The following PALLD variants were observed in gnomAD, a reference collection of about 807,000 sequenced individuals.
The protein encoded by PALLD is palladin, cytoskeletal associated protein.
Under a neutral mutation model 123.5 loss-of-function variants are expected in PALLD, and 61 were observed. The observed-to-expected ratio is 0.49, with a 90% CI of 0.40 to 0.61. The LOEUF is 0.61. Ranked by LOEUF, PALLD falls within the 20% of genes least tolerant of loss-of-function variation. PALLD has a pLI of 0.00. For missense variants in PALLD, 1,273 were observed against 1,377.0 expected (o/e 0.92, Z 1.20); for synonymous variants, 465 against 496.4 (o/e 0.94, Z 0.84).
rs1750812964 is a variant in PALLD at position 168,869,666 on chromosome 4, T to C, written c.1965-21256T>C. ...GGACTGTTTGAGGCCAAATTATGGG[T>C]ATCTTAAATATCAGATATTATTTTA... is the stretch of plus-strand genomic sequence containing the variant. On this transcript the variant is annotated intron_variant, in intron 10 of 21. Coordinates refer to ENST00000505667, the MANE Select transcript of PALLD (RefSeq NM_001166108.2). This position sits in a 1 kb window ranked among gnomAD's most constrained non-coding sequence, Gnocchi z 4.5. Among the ~76,000 whole-genome samples, 1 of 152,206 alleles carries C rather than the reference T, an allele frequency of 6.6e-6. No individual in the cohort carries two copies. Among genetic ancestry groups the C allele is most frequent in the African/African-American group, 2.4e-5 (1 of 41,446 alleles).
chr4:168,673,807 G>A (rs1371461200), intron 3 of PALLD, among the ~76,000 whole-genome samples: 5 of 152,090 alleles, frequency 3.3e-5, no homozygotes, highest in Admixed American at 2.6e-4. Flanking sequence ...TGAGGACAAC[G>A]GTGCCAATCT....
In PALLD at chr4:168,913,981, C is replaced by T. The variant is rs947238696; in HGVS notation, c.2677C>T (p.Arg893Ter). 6.2e-7 allele frequency: 1 copy of T among 1,612,904 alleles called. No homozygotes were observed. Among genetic ancestry groups the T allele is most frequent in the Non-Finnish European group, 8.5e-7 (1 of 1,178,910 alleles). The change falls in exon 16 of 22, where the codon CGA (arginine) becomes TGA (stop). Residue 893 changes from arginine to a stop codon, truncating the protein, a stop_gained. Transcript: ENST00000505667. LOFTEE classifies it high-confidence loss of function. ...GGTACAGGCTGTCAACCAAAGAGGT[C>T]GAAGTCCCCGGTCTCCCTCAGGCCA... Reference protein sequence around the residue: ...LMVQAVNQRGRSPRSPSGHPH... With the variant: ...LMVQAVNQRG
chr4:168,709,554 GGAAGGAAGGAAGGAAGGAAGGAAGGA>G (rs1784560400), intron 9 of PALLD, among the ~76,000 whole-genome samples: 34 of 734 alleles, frequency 0.046, 2 homozygotes, highest in African/African-American at 0.053. Context: ...AAGGAAGGAA[GGAAGGAAGGAAGGAAGGAAGGAAGGA>G]AGGAAGGAAG....
At chr4:168,559,940 G>T (rs1173176352) in intron 2 of PALLD, among the ~76,000 whole-genome samples, 1 of 151,988 alleles carries the variant, frequency 6.6e-6, no homozygotes, top group African/African-American at 2.4e-5. Context: ...GAGAGAGCAT[G>T]CAAGCAAGCA....
chr4:168,880,650 T>G (rs1752483551), intron 10 of PALLD, among the ~76,000 whole-genome samples: 1 of 152,242 alleles, frequency 6.6e-6, no homozygotes, highest in Non-Finnish European at 1.5e-5. Flanking sequence ...TGCCAAAGAT[T>G]GAGTGTCCCT....
intron 2 of PALLD, among the ~76,000 whole-genome samples, chr4:168,587,145 G>T (rs778241718): frequency 6.6e-6 from 1 of 152,292 alleles, no homozygotes; most frequent in East Asian, 1.9e-4. Flanking sequence ...AATGCCTGCA[G>T]TGCTGATGTT....
intron 2 of PALLD, among the ~76,000 whole-genome samples, chr4:168,606,345 C>G (rs563609404): frequency 5.9e-5 from 9 of 152,244 alleles, no homozygotes; most frequent in Admixed American, 3.9e-4. Context: ...ACTTGCCCCG[C>G]GTCAGCTGGA....
intron 10 of PALLD, among the ~76,000 whole-genome samples, chr4:168,719,365 C>T (rs1260666443): frequency 2.9e-5 from 4 of 139,230 alleles, no homozygotes; most frequent in Non-Finnish European, 6.0e-5. Flanking sequence ...TCAAGTGATT[C>T]TCCTGCCTCA....
Position 168,869,204 on chromosome 4 carries a change from T to A in PALLD, c.1965-21718T>A, listed in dbSNP as rs956858998. Among the ~76,000 whole-genome samples, 2 of 152,136 alleles carry A rather than the reference T, an allele frequency of 1.3e-5. No individual in the cohort carries two copies. The highest frequency in any genetic ancestry group is 4.8e-5 in the African/African-American group (2 of 41,424). ...GAAGATGCGTTTCCCTTTCCTGTAT[T>A]CCACACAAAAGGATGCCTGGCAATC... On this transcript the variant is annotated intron_variant, in intron 10 of 21. Transcript: ENST00000505667. The surrounding 1 kb of genome is among the most constrained non-coding windows in gnomAD (Gnocchi z 4.5).
intron 1 of PALLD, among the ~76,000 whole-genome samples, chr4:168,506,366 T>C (rs1561184857): frequency 8.0e-6 from 1 of 125,616 alleles, no homozygotes; most frequent in Non-Finnish European, 1.8e-5. Flanking sequence ...GAGAATCTCA[T>C]GTTTCTCTCT....
At chr4:168,854,156 A>T (rs1748225773) in intron 10 of PALLD, among the ~76,000 whole-genome samples, 1 of 125,000 alleles carries the variant, frequency 8.0e-6, no homozygotes, top group African/African-American at 2.7e-5. Flanking sequence ...CTGTTTACTC[A>T]TGGAGTCATT....
chr4:168,763,268 GTCTT>G (rs1292929455), intron 10 of PALLD, among the ~76,000 whole-genome samples: 1 of 152,178 alleles, frequency 6.6e-6, no homozygotes, highest in Non-Finnish European at 1.5e-5. Context: ...TTATTTCAGT[GTCTT>G]TCTATGAAAT....
chr4:168,680,504 A>C lies in PALLD; in HGVS notation c.1088-828A>C, dbSNP rs866966260. Among the ~76,000 whole-genome samples, 1,421 of 148,160 alleles carry C rather than the reference A, an allele frequency of 9.6e-3. 30 individuals carry two copies. Among genetic ancestry groups the C allele is most frequent in the African/African-American group, 0.034 (1,345 of 39,826 alleles). On this transcript the variant is annotated intron_variant, in intron 3 of 21. Transcript: ENST00000505667. ...CTCAAAAAAAAAAAAAAAAAAAAAA[A>C]AAAAAACACTTATCTGGAACAATAC...
chr4:168,897,582 G>A (rs1755489073), intron 13 of PALLD, among the ~76,000 whole-genome samples: 1 of 152,202 alleles, frequency 6.6e-6, no homozygotes, highest in African/African-American at 2.4e-5. Flanking sequence ...AAGTAGCTGG[G>A]ACAACAGGCA....
At chr4:168,807,138 GT>G (rs1740326797) in intron 10 of PALLD, among the ~76,000 whole-genome samples, 1 of 152,066 alleles carries the variant, frequency 6.6e-6, no homozygotes. Context: ...TTAGAGGAGG[GT>G]AAAGAAAGCA....
intron 10 of PALLD, among the ~76,000 whole-genome samples, chr4:168,745,765 C>T (rs1179190487): frequency 6.6e-6 from 1 of 151,646 alleles, no homozygotes; most frequent in African/African-American, 2.4e-5. Context: ...TCTAAGTGAC[C>T]ATTTTGGTGG....
At chr4:168,823,917 C>G (rs1743066162) in intron 10 of PALLD, among the ~76,000 whole-genome samples, 1 of 152,200 alleles carries the variant, frequency 6.6e-6, no homozygotes, top group Non-Finnish European at 1.5e-5. Flanking sequence ...TTATTCATTG[C>G]TACACAAAGC....
intron 10 of PALLD, among the ~76,000 whole-genome samples, chr4:168,747,091 A>AT (rs1730427154): frequency 6.6e-6 from 1 of 152,216 alleles, no homozygotes; most frequent in African/African-American, 2.4e-5. Context: ...TTTACTACAC[A>AT]TTTTTTAGTG....
At position 168,896,576 on chromosome 4, in the gene PALLD, G is replaced by A; in HGVS notation, c.2227G>A (p.Gly743Arg). The stretch of plus-strand genomic sequence containing the variant: ...CATTGGTTCTCCTCATGCTTCTGTA[G>A]GGAGTCCTCTGGATGGTCAAAAGGT... The part of the protein sequence containing the change: ...QDIGSPHASV[G>R]SPLDGQKEYK... Residue 743 changes from glycine (G) to arginine (R), a missense_variant, in exon 13 of 22, where the codon GGG (glycine) becomes AGG (arginine). Coordinates refer to ENST00000505667, the MANE Select transcript of PALLD (RefSeq NM_001166108.2). 1 of 1,517,996 alleles carries A rather than the reference G, an allele frequency of 6.6e-7. No individual in the cohort carries two copies. The highest frequency in any genetic ancestry group is 8.9e-7 in the Non-Finnish European group (1 of 1,129,756). 94.0% of individuals were successfully genotyped at this position (1,517,996 alleles called of 1,614,324 possible). A position where few individuals can be genotyped will look rare whatever the true frequency, so the allele number is the denominator to read the frequency against.
Sources: gnomAD v4.1 joint callset for allele counts (sites outside exome capture counted in the v4.1 genomes callset) on GRCh38, gnomAD v4.1.1 for gene constraint, Gnocchi (gnomAD v3.1) non-coding constraint, MANE v1.5 for transcripts, NCBI Gene and HGNC (gene_info 2026-07-23, HGNC 2026-07-21) for gene names.